The following ZMIZ1 variants were observed in gnomAD, a reference collection of about 807,000 sequenced individuals.
The protein encoded by ZMIZ1 is zinc finger MIZ-type containing 1.
ZMIZ1 carries 17 observed loss-of-function variants against 113.9 expected under a neutral mutation model. The ratio of observed to expected loss-of-function variants is 0.15; its 90% CI spans 0.10 to 0.22. ZMIZ1 has a LOEUF of 0.22. ZMIZ1 is among the 10% of genes least tolerant of loss of function. ZMIZ1 has a pLI of 1.00. For missense variants in ZMIZ1, 1,059 were observed against 1,477.8 expected (o/e 0.72, Z 4.65); for synonymous variants, 607 against 603.1 (o/e 1.01, Z -0.09).
At chr10:79,244,312 A>G (rs989351481) in intron 7 of ZMIZ1, among the ~76,000 whole-genome samples, 1 of 152,242 alleles carries the variant, frequency 6.6e-6, no homozygotes, top group African/African-American at 2.4e-5. Context: ...ACCAGAGGGC[A>G]GGAAGCAGCC....
chr10:79,287,980 G>A (rs570824332), intron 8 of ZMIZ1, among the ~76,000 whole-genome samples: 1 of 152,344 alleles, frequency 6.6e-6, no homozygotes, highest in African/African-American at 2.4e-5. Flanking sequence ...TGTCGGGTAG[G>A]AGCTGCTTTT....
At position 79,312,878 on chromosome 10, in the gene ZMIZ1, C is replaced by A; in HGVS notation, c.*129C>A. 2 of 787,846 alleles carry A rather than the reference C, an allele frequency of 2.5e-6. No homozygotes were observed. The highest frequency in any genetic ancestry group is 4.1e-6 in the Non-Finnish European group (2 of 491,442). The allele number at this position is 787,846 out of a possible 1,614,324, so 48.8% of individuals were successfully genotyped here. ...GAGCCACGGGCTGTGGGGCGGGGAG[C>A]CCTCCCCCGCTGCAGCCCTCTCAGA... On this transcript the variant is annotated 3_prime_UTR_variant, in exon 25 of 25. Transcript: ENST00000334512.
chr10:79,115,276 G>A (rs1843972007), intron 1 of ZMIZ1, among the ~76,000 whole-genome samples: 1 of 152,168 alleles, frequency 6.6e-6, no homozygotes, highest in Non-Finnish European at 1.5e-5. Flanking sequence ...TGCCCTTGTG[G>A]GCTTGGAGTT....
intron 3 of ZMIZ1, among the ~76,000 whole-genome samples, chr10:79,152,009 CTGTTTA>C (rs1030304866): frequency 6.6e-6 from 1 of 152,218 alleles, no homozygotes; most frequent in African/African-American, 2.4e-5. Flanking sequence ...GTGCTCTGCT[CTGTTTA>C]TAAGAGTTCA....
At chr10:79,249,027 CAGA>C (rs1850382279) in intron 7 of ZMIZ1, among the ~76,000 whole-genome samples, 1 of 152,152 alleles carries the variant, frequency 6.6e-6, no homozygotes. Context: ...TCACTGTGCG[CAGA>C]AGATTTAGCA....
chr10:79,210,196 C>T (rs1848478467), intron 6 of ZMIZ1, among the ~76,000 whole-genome samples: 1 of 152,076 alleles, frequency 6.6e-6, no homozygotes, highest in South Asian at 2.1e-4. Flanking sequence ...GACGTGTGTC[C>T]AGCCAGGCTG....
intron 18 of ZMIZ1, among the ~76,000 whole-genome samples, chr10:79,302,725 GCTCTGTTA>G (rs2132074090): frequency 8.1e-6 from 1 of 123,308 alleles, no homozygotes; most frequent in Non-Finnish European, 1.6e-5. Flanking sequence ...AGAGAATGTC[GCTCTGTTA>G]CCCAGGCTGG....
chr10:79,302,950 C>T, intron 18 of ZMIZ1, among the ~76,000 whole-genome samples: 1 of 151,574 alleles, frequency 6.6e-6, no homozygotes. Context: ...CAAGCTCCGC[C>T]TCCTAGGTTC....
At chr10:79,117,217 C>T (rs531999052) in intron 1 of ZMIZ1, among the ~76,000 whole-genome samples, 15 of 152,240 alleles carry the variant, frequency 9.9e-5, no homozygotes, top group Non-Finnish European at 1.9e-4. Flanking sequence ...TCACTCACAC[C>T]GAATCCTATT....
At chr10:79,300,280 G>A (rs1854203250) in intron 16 of ZMIZ1, among the ~76,000 whole-genome samples, 1 of 152,226 alleles carries the variant, frequency 6.6e-6, no homozygotes, top group African/African-American at 2.4e-5. Flanking sequence ...CCTCAGTGCT[G>A]CGTCCTTGGG....
At chr10:79,274,229 C>G (rs528632137) in intron 7 of ZMIZ1, among the ~76,000 whole-genome samples, 1 of 152,348 alleles carries the variant, frequency 6.6e-6, no homozygotes, top group South Asian at 2.1e-4. Context: ...TCTGCGCACA[C>G]CACACCAGGT....
At chr10:79,173,174 G>T (rs1846677489) in intron 4 of ZMIZ1, among the ~76,000 whole-genome samples, 1 of 152,200 alleles carries the variant, frequency 6.6e-6, no homozygotes, top group African/African-American at 2.4e-5. Context: ...GGTGGCACTG[G>T]CCTAGGGCAA....
intron 1 of ZMIZ1, among the ~76,000 whole-genome samples, chr10:79,111,396 G>A (rs1195674566): frequency 1.3e-5 from 2 of 152,244 alleles, no homozygotes; most frequent in South Asian, 2.1e-4. Flanking sequence ...GGACAGAAGT[G>A]TGTGGGCAAA....
chr10:79,128,779 A>G (rs563056712), intron 2 of ZMIZ1, among the ~76,000 whole-genome samples: 9 of 152,078 alleles, frequency 5.9e-5, no homozygotes, highest in Non-Finnish European at 1.2e-4. Context: ...GTGTGACCAT[A>G]ATCATTTTGA....
At chr10:79,137,518 G>A in intron 2 of ZMIZ1, among the ~76,000 whole-genome samples, 1 of 152,190 alleles carries the variant, frequency 6.6e-6, no homozygotes, top group East Asian at 1.9e-4. Flanking sequence ...GTGCCCTGGT[G>A]GACAGGCAGG....
chr10:79,221,417 A>G (rs1415918191), intron 7 of ZMIZ1, among the ~76,000 whole-genome samples: 1 of 152,172 alleles, frequency 6.6e-6, no homozygotes, highest in Non-Finnish European at 1.5e-5. Context: ...TTAGCCTCAG[A>G]GCGCACGTGC....
At chr10:79,287,803 TGAG>T (rs1853181067) in intron 8 of ZMIZ1, among the ~76,000 whole-genome samples, 1 of 152,110 alleles carries the variant, frequency 6.6e-6, no homozygotes, top group Non-Finnish European at 1.5e-5. Flanking sequence ...ATTTTACAGA[TGAG>T]GAGATTGAGT....
intron 24 of ZMIZ1, 106 bp downstream of exon 24, chr10:79,311,290 T>TG (rs1855142811): frequency 8.7e-5 from 9 of 103,204 alleles, no homozygotes; most frequent in Admixed American, 7.9e-4. Context: ...AGGGAGGAGG[T>TG]GGGTGGGCGG....
chr10:79,234,736 C>T (rs955380055), intron 7 of ZMIZ1, among the ~76,000 whole-genome samples: 6 of 152,222 alleles, frequency 3.9e-5, no homozygotes, highest in Non-Finnish European at 8.8e-5. Flanking sequence ...TGTTGTAGAC[C>T]TCTTGCCTGG....
Sources: gnomAD v4.1 joint callset for allele counts (sites outside exome capture counted in the v4.1 genomes callset) on GRCh38, gnomAD v4.1.1 for gene constraint, MANE v1.5 for transcripts, NCBI Gene and HGNC (gene_info 2026-07-23, HGNC 2026-07-21) for gene names.